RALGPS2: variants seen among roughly 807,000 people sequenced by gnomAD.
RALGPS2 encodes the protein ras-specific guanine nucleotide-releasing factor RalGPS2.
In RALGPS2, 43 loss-of-function variants were observed where a neutral mutation model predicts 86.8. The observed-to-expected ratio is 0.50, with a 90% CI of 0.39 to 0.64. The LOEUF (loss-of-function observed/expected upper bound fraction) is 0.64, where lower values mean the gene tolerates loss of function less well. RALGPS2 is among the 30% of genes least tolerant of loss of function. RALGPS2 has a pLI of 0.00. For missense variants in RALGPS2, 536 were observed against 694.6 expected (o/e 0.77, Z 2.57); for synonymous variants, 243 against 231.3 (o/e 1.05, Z -0.46).
intron 18 of RALGPS2, among the ~76,000 whole-genome samples, chr1:178,906,409 G>A (rs187465627): frequency 4.8e-4 from 73 of 152,140 alleles, no homozygotes; most frequent in Admixed American, 1.0e-3. Flanking sequence ...GATCATCTAA[G>A]TAGTAAGTAT....
intron 1 of RALGPS2, among the ~76,000 whole-genome samples, chr1:178,729,152 T>C (rs1182082706): frequency 1.3e-5 from 2 of 152,014 alleles, no homozygotes; most frequent in Non-Finnish European, 2.9e-5. Context: ...TTACATGACC[T>C]TTTTTTTCAG....
intron 8 of RALGPS2, chr1:178,850,502 T>TG (rs1183619022): frequency 6.6e-6 from 1 of 150,988 alleles, no homozygotes. Context: ...GCATTATTTT[T>TG]GGGTTTTTTT....
At chr1:178,828,581 A>G (rs1655865137) in intron 7 of RALGPS2, among the ~76,000 whole-genome samples, 2 of 152,244 alleles carry the variant, frequency 1.3e-5, no homozygotes, top group South Asian at 4.1e-4. Flanking sequence ...TGATAACAAG[A>G]AAACAACCCA....
chr1:178,732,523 T>C (rs572193316), intron 1 of RALGPS2, among the ~76,000 whole-genome samples: 50 of 152,090 alleles, frequency 3.3e-4, no homozygotes, highest in African/African-American at 1.1e-3. Flanking sequence ...TGGTCTCAGA[T>C]CTCCTGACCT....
At chr1:178,902,957 G>A (rs1393408805) in intron 18 of RALGPS2, among the ~76,000 whole-genome samples, 8 of 152,082 alleles carry the variant, frequency 5.3e-5, no homozygotes, top group Admixed American at 5.3e-4. Context: ...TTATAAAGTA[G>A]ATATGAGAAA....
intron 1 of RALGPS2, among the ~76,000 whole-genome samples, chr1:178,748,714 G>A (rs766624391): frequency 3.3e-5 from 5 of 151,998 alleles, no homozygotes; most frequent in Non-Finnish European, 7.4e-5. Flanking sequence ...TTAGCTGGCT[G>A]TGGTGGCGGG....
At chr1:178,796,485 CTT>C (rs1654195775) in intron 4 of RALGPS2, among the ~76,000 whole-genome samples, 1 of 152,110 alleles carries the variant, frequency 6.6e-6, no homozygotes, top group African/African-American at 2.4e-5. Context: ...ATTATCTTCT[CTT>C]TGTTAGGATC....
intron 17 of RALGPS2, among the ~76,000 whole-genome samples, chr1:178,898,092 A>G (rs1441498829): frequency 1.3e-5 from 2 of 152,016 alleles, no homozygotes; most frequent in Non-Finnish European, 2.9e-5. Context: ...TTCCACCTCA[A>G]TCTCTGGTTC....
chr1:178,901,420 C>G (rs12122215), intron 17 of RALGPS2, among the ~76,000 whole-genome samples: 12,224 of 151,996 alleles, frequency 0.08, 519 homozygotes, highest in African/African-American at 0.1. Context: ...TAAACAATAC[C>G]TGAATGGCTT....
intron 1 of RALGPS2, among the ~76,000 whole-genome samples, chr1:178,768,515 C>T (rs1047571991): frequency 1.3e-5 from 2 of 152,160 alleles, no homozygotes; most frequent in African/African-American, 2.4e-5. Flanking sequence ...ACCTATCAGC[C>T]AGTAGATGGC....
At chr1:178,825,043 A>G (rs1232472988) in intron 7 of RALGPS2, among the ~76,000 whole-genome samples, 1 of 152,122 alleles carries the variant, frequency 6.6e-6, no homozygotes, top group Non-Finnish European at 1.5e-5. Context: ...GGAGAGTGTG[A>G]GAGTGTGTTA....
At position 178,738,508 on chromosome 1, in the gene RALGPS2, T is replaced by G. The variant is rs531929091; in HGVS notation, c.-84+13089T>G. On this transcript the variant is annotated intron_variant, in intron 1 of 19. Transcript: ENST00000367635. ...ACAGGTGTGAGCCACTGCCGTCGGCTAATAGTTGTATATCTTAAATTTGCA... is the reference window on the plus strand; with the variant it reads ...ACAGGTGTGAGCCACTGCCGTCGGCGAATAGTTGTATATCTTAAATTTGCA... Among the ~76,000 whole-genome samples the G allele has an allele frequency of 2.6e-5, 4 of 152,294 alleles. No homozygotes were observed. The South Asian group carries it at 6.2e-4, about 24-fold the overall frequency.
At chr1:178,901,949 TTCA>T (rs774589253) in intron 17 of RALGPS2, among the ~76,000 whole-genome samples, 154 bp from the exon 18 acceptor site, 92 of 152,112 alleles carry the variant, frequency 6.0e-4, no homozygotes, top group Non-Finnish European at 9.9e-4. Context: ...TAGGATGAAA[TTCA>T]GCAGTAAAAG....
chr1:178,832,933 A>G (rs1425102707), intron 7 of RALGPS2, among the ~76,000 whole-genome samples: 1 of 152,048 alleles, frequency 6.6e-6, no homozygotes, highest in Non-Finnish European at 1.5e-5. Flanking sequence ...GAAATCCAAA[A>G]ATGTAAGGAA....
intron 1 of RALGPS2, among the ~76,000 whole-genome samples, chr1:178,736,062 A>T (rs1017712660): frequency 6.6e-6 from 1 of 151,902 alleles, no homozygotes; most frequent in Non-Finnish European, 1.5e-5. Context: ...TATGGTGTAC[A>T]TGTTTGTTTC....
At chr1:178,862,562 C>T (rs1658099996) in intron 8 of RALGPS2, among the ~76,000 whole-genome samples, 1 of 152,006 alleles carries the variant, frequency 6.6e-6, no homozygotes, top group Non-Finnish European at 1.5e-5. Context: ...CTGTAGGCGT[C>T]AACAAGGGCC....
At chr1:178,859,004 A>G (rs1446495466) in intron 8 of RALGPS2, among the ~76,000 whole-genome samples, 2 of 152,214 alleles carry the variant, frequency 1.3e-5, no homozygotes, top group African/African-American at 2.4e-5. Flanking sequence ...ATTAACTTTC[A>G]GTTAAATATA....
intron 8 of RALGPS2, among the ~76,000 whole-genome samples, chr1:178,838,652 A>C (rs1024708019): frequency 4.6e-5 from 7 of 152,350 alleles, no homozygotes; most frequent in Admixed American, 3.9e-4. Flanking sequence ...CAACAGAACA[A>C]AGCTGGATGG....
At chr1:178,754,675 A>G (rs894497360) in intron 1 of RALGPS2, among the ~76,000 whole-genome samples, 2 of 152,246 alleles carry the variant, frequency 1.3e-5, no homozygotes, top group Admixed American at 6.5e-5. Flanking sequence ...CCTCAAAGAC[A>G]CACCCAGAAT....
Sources: gnomAD v4.1 joint callset for allele counts (sites outside exome capture counted in the v4.1 genomes callset) on GRCh38, gnomAD v4.1.1 for gene constraint, MANE v1.5 for transcripts, NCBI Gene and HGNC (gene_info 2026-07-23, HGNC 2026-07-21) for gene names.